The following VTI1A variants were observed in gnomAD, a reference collection of about 807,000 sequenced individuals.
VTI1A encodes vesicle transport through interaction with t-SNAREs 1A.
VTI1A carries 22 observed loss-of-function variants against 34.9 expected under a neutral mutation model. The ratio of observed to expected loss-of-function variants is 0.63; its 90% confidence interval spans 0.45 to 0.90. The LOEUF (loss-of-function observed/expected upper bound fraction) is 0.90. Among genes scored for constraint, VTI1A ranks in the 40% least tolerant of loss-of-function variants. The pLI is 0.00. For missense variants in VTI1A, 268 were observed against 275.6 expected (o/e 0.97, Z 0.20); for synonymous variants, 87 against 97.3 (o/e 0.89, Z 0.62).
intron 5 of VTI1A, among the ~76,000 whole-genome samples, chr10:112,574,930 T>A (rs1852275129): frequency 6.6e-6 from 1 of 152,220 alleles, no homozygotes; most frequent in South Asian, 2.1e-4. Context: ...TGAACCCTGA[T>A]ATTTGCATTT....
At chr10:112,546,874 G>A (rs1413655476) in intron 5 of VTI1A, among the ~76,000 whole-genome samples, 1 of 152,074 alleles carries the variant, frequency 6.6e-6, no homozygotes, top group African/African-American at 2.4e-5. Flanking sequence ...TTCTGTTTGA[G>A]GGTTTCCTTG....
At chr10:112,622,516 G>A (rs1282276664) in intron 5 of VTI1A, among the ~76,000 whole-genome samples, 4 of 150,566 alleles carry the variant, frequency 2.7e-5, no homozygotes, top group African/African-American at 9.8e-5. Flanking sequence ...ACTAGAAAGA[G>A]TCACATACGT....
chr10:112,586,173 A>G (rs1374336519), intron 5 of VTI1A, among the ~76,000 whole-genome samples: 1 of 150,376 alleles, frequency 6.6e-6, no homozygotes, highest in East Asian at 2.0e-4. Context: ...TGTTTCAAGC[A>G]TTGAGATGAT....
chr10:112,558,168 C>T (rs1851598724), intron 5 of VTI1A, among the ~76,000 whole-genome samples: 1 of 152,094 alleles, frequency 6.6e-6, no homozygotes, highest in Non-Finnish European at 1.5e-5. Context: ...CTCTAAGTAC[C>T]AGAATGGTGG....
intron 7 of VTI1A, among the ~76,000 whole-genome samples, chr10:112,670,270 CATT>C (rs2133838732): frequency 6.6e-6 from 1 of 152,230 alleles, no homozygotes; most frequent in South Asian, 2.1e-4. Flanking sequence ...TGTCAAATCT[CATT>C]AAAGAGTCCT....
At chr10:112,579,168 T>C (rs1843826796) in intron 5 of VTI1A, among the ~76,000 whole-genome samples, 1 of 152,188 alleles carries the variant, frequency 6.6e-6, no homozygotes, top group Admixed American at 6.5e-5. Flanking sequence ...AGGACATTGA[T>C]GACTGTAAGT....
intron 5 of VTI1A, among the ~76,000 whole-genome samples, chr10:112,605,110 C>G (rs762854808): frequency 1.1e-4 from 16 of 152,160 alleles, no homozygotes; most frequent in Non-Finnish European, 1.5e-4. Flanking sequence ...CGTAGCCAAA[C>G]CAGACTTTCC....
intron 7 of VTI1A, among the ~76,000 whole-genome samples, chr10:112,784,101 T>C (rs1456811632): frequency 6.6e-6 from 1 of 152,232 alleles, no homozygotes; most frequent in Non-Finnish European, 1.5e-5. Context: ...TAATCTTTTT[T>C]TCTCTTCTCG....
intron 5 of VTI1A, among the ~76,000 whole-genome samples, chr10:112,586,734 A>T (rs565777921): frequency 6.6e-6 from 1 of 152,322 alleles, no homozygotes; most frequent in East Asian, 1.9e-4. Context: ...GTCGGAAGTC[A>T]AAACAGTTAC....
chr10:112,624,006 T>C (rs1845827672), intron 5 of VTI1A, among the ~76,000 whole-genome samples: 1 of 152,190 alleles, frequency 6.6e-6, no homozygotes, highest in African/African-American at 2.4e-5. Context: ...TTGTCCATCA[T>C]CTTTCAAGAA....
intron 7 of VTI1A, among the ~76,000 whole-genome samples, chr10:112,687,422 A>G (rs1848455632): frequency 6.6e-6 from 1 of 151,012 alleles, no homozygotes. Flanking sequence ...TTTAGTAGAG[A>G]TGGGGTTTCA....
chr10:112,811,495 C>G (rs1016267991), intron 7 of VTI1A, among the ~76,000 whole-genome samples: 1 of 151,534 alleles, frequency 6.6e-6, no homozygotes, highest in South Asian at 2.1e-4. Flanking sequence ...GAGATAGAGA[C>G]CACGGTGAAA....
At chr10:112,820,919 C>T (rs925706509), downstream of VTI1A, among the ~76,000 whole-genome samples, 1 of 152,048 alleles carries the variant, frequency 6.6e-6, no homozygotes, top group Non-Finnish European at 1.5e-5. Flanking sequence ...CAAGTAGGCC[C>T]CCTTGAGCTC....
chr10:112,850,760 T>G, the VTI1A span, among the ~76,000 whole-genome samples: 4 of 152,294 alleles, frequency 2.6e-5, no homozygotes, highest in Middle Eastern at 0.014. Flanking sequence ...GTGGGGCCCT[T>G]TGTTCAAAAA....
intron 5 of VTI1A, among the ~76,000 whole-genome samples, chr10:112,636,154 G>A (rs1013633255): frequency 2.0e-5 from 3 of 152,182 alleles, no homozygotes; most frequent in Admixed American, 6.5e-5. Context: ...CTGCACAGAT[G>A]CATTTGTGGA....
At chr10:112,808,699 C>T (rs955420775) in intron 7 of VTI1A, among the ~76,000 whole-genome samples, 1 of 151,860 alleles carries the variant, frequency 6.6e-6, no homozygotes, top group Non-Finnish European at 1.5e-5. Flanking sequence ...AATTGTTTGG[C>T]TCCTGTAACT....
At chr10:112,582,239 C>T (rs932402569) in intron 5 of VTI1A, among the ~76,000 whole-genome samples, 8 of 152,094 alleles carry the variant, frequency 5.3e-5, no homozygotes, top group South Asian at 2.1e-4. Flanking sequence ...TCTTCTTATG[C>T]GGGCACTAAT....
chr10:112,538,165 G>T, intron 4 of VTI1A, 81 bp from the exon 5 acceptor site: 1 of 1,306,438 alleles, frequency 7.7e-7, no homozygotes, highest in South Asian at 1.3e-5. Flanking sequence ...TAGGGCATAC[G>T]AAGGCATTTT....
chr10:112,698,812 C>T, intron 7 of VTI1A, among the ~76,000 whole-genome samples: 2 of 152,174 alleles, frequency 1.3e-5, no homozygotes, highest in East Asian at 3.8e-4. Flanking sequence ...TCTGACTTTC[C>T]AGAGGTTCGT....
Sources: gnomAD v4.1 joint callset for allele counts (sites outside exome capture counted in the v4.1 genomes callset) on GRCh38, gnomAD v4.1.1 for gene constraint, MANE v1.5 for transcripts, NCBI Gene and HGNC (gene_info 2026-07-23, HGNC 2026-07-21) for gene names.